The following ZNF544 variants were observed in gnomAD, a reference collection of about 807,000 sequenced individuals.
The protein encoded by ZNF544 is zinc finger protein 544.
In ZNF544, 10 loss-of-function variants were observed where a neutral mutation model predicts 13.5. The observed-to-expected ratio is 0.74, with a 90% CI of 0.46 to 1.25. The LOEUF is 1.25. ZNF544 is among the 50% of genes most tolerant of loss of function. The pLI, the probability that ZNF544 is intolerant of heterozygous loss-of-function variation, is 0.00. For synonymous variants in ZNF544, 323 were observed against 300.5 expected, an observed-to-expected ratio of 1.07 and a Z score of -0.77; for missense variants, 896 against 845.6, an observed-to-expected ratio of 1.06 and a Z score of -0.74.
At chr19:58,254,888 CAG>C (rs1475980741) in intron 6 of ZNF544, among the ~76,000 whole-genome samples, 2 of 139,540 alleles carry the variant, frequency 1.4e-5, no homozygotes, top group Admixed American at 7.3e-5. Context: ...TTTCTTGAGA[CAG>C]AGTTTTTCTT....
chr19:58,237,617 CCTT>C (rs1327341618), intron 3 of ZNF544, among the ~76,000 whole-genome samples: 8 of 152,238 alleles, frequency 5.3e-5, no homozygotes, highest in Admixed American at 1.3e-4. Context: ...CTCACACCCA[CCTT>C]CTTTTTGCTT....
downstream of ZNF544, among the ~76,000 whole-genome samples, chr19:58,265,282 ATATT>A (rs139270092): frequency 0.021 from 3,120 of 147,444 alleles, 88 homozygotes; most frequent in African/African-American, 0.056. Context: ...CCATGTCTGC[ATATT>A]TATTTATTTA....
chr19:58,255,274 C>G (rs956927533), intron 6 of ZNF544, among the ~76,000 whole-genome samples: 1 of 152,004 alleles, frequency 6.6e-6, no homozygotes, highest in Non-Finnish European at 1.5e-5. Context: ...CTCCCGAGTT[C>G]AAGCAGTTCT....
At chr19:58,237,062 CTTTT>C (rs869237830) in intron 3 of ZNF544, among the ~76,000 whole-genome samples, 1 of 133,342 alleles carries the variant, frequency 7.5e-6, no homozygotes. Flanking sequence ...AACTTTTTAC[CTTTT>C]TTTTTTTTTT....
rs1255325802 is a variant in ZNF544 at position 58,261,591 on chromosome 19, G to A, written c.985G>A (p.Glu329Lys). 6.2e-7 allele frequency: 1 copy of A among 1,614,218 alleles called. No individual in the cohort carries two copies. Among genetic ancestry groups the A allele is most frequent in the African/African-American group, 1.3e-5 (1 of 75,054 alleles). ...CCCTGGAGAGACCCCCTTCAGATGT[G>A]AGGAACGCTGTGCTGCCTTCCCCAT... ...SGPGETPFRC[E>K]ERCAAFPMAS... The change falls in exon 7 of 7, where the codon GAG (glutamate) becomes AAG (lysine). Residue 329 changes from glutamate (E) to lysine (K), a missense_variant. Glu to Lys is a moderately conservative substitution (Grantham distance 56). Transcript: ENST00000687789.
At chr19:58,260,596 T>A (rs2048702367) in intron 6 of ZNF544, 1 of 367,176 alleles carries the variant, frequency 2.7e-6, no homozygotes, top group African/African-American at 2.1e-5. Flanking sequence ...TGCTTATTCT[T>A]ATTCTTCTGC....
intron 6 of ZNF544, 53 bp from the exon 7 acceptor site, chr19:58,260,798 C>A (rs749151764): frequency 5.3e-5 from 79 of 1,480,894 alleles, no homozygotes; most frequent in Non-Finnish European, 6.8e-5. Context: ...CTCCCCCTCC[C>A]CCTCCCCCTC....
At chr19:58,237,254 G>A (rs1438402415) in intron 3 of ZNF544, among the ~76,000 whole-genome samples, 1 of 151,964 alleles carries the variant, frequency 6.6e-6, no homozygotes, top group Non-Finnish European at 1.5e-5. Flanking sequence ...TGTAGAGACG[G>A]GGTTTTGCCA....
In ZNF544 at chr19:58,275,579, C is replaced by G. The variant is rs111612202; in HGVS notation, c.245-744C>G. On this transcript the variant is annotated intron_variant, in intron 5 of 6. Coordinates refer to the ZNF544 transcript ENST00000595981. ...ATTCCAGCACTTTGGGAGGCCAAGG[C>G]GGATGGACTGCTTGAAATCAGGAGC... 3.1e-3 allele frequency among the ~76,000 whole-genome samples: 474 copies of G among 151,736 alleles called. 1 individual carries two copies. Among genetic ancestry groups the G allele is most frequent in the African/African-American group, 0.01 (427 of 41,414 alleles).
At chr19:58,248,524 C>T (rs2045771447) in intron 6 of ZNF544, among the ~76,000 whole-genome samples, 3 of 152,238 alleles carry the variant, frequency 2.0e-5, no homozygotes, top group South Asian at 4.1e-4. Context: ...TGAGCCACTG[C>T]ACCTGGCCAG....
At position 58,262,374 on chromosome 19, in the gene ZNF544, CAGTT is replaced by C. The variant is rs770159376; in HGVS notation, c.1773_1776del (p.Val592HisfsTer56). ...TGGAAAGTCCTTCAGCCAAAGCTATCAGTTAGTTGCACATAAAAGAACTCACACT... is the reference window on the plus strand; with the variant it reads ...TGGAAAGTCCTTCAGCCAAAGCTATCAGTTGCACATAAAAGAACTCACACT... On this transcript the variant is annotated frameshift_variant, in exon 7 of 7. Coordinates refer to ENST00000687789, the MANE Select transcript of ZNF544 (RefSeq NM_014480.4). LOFTEE classifies it low-confidence loss of function (END_TRUNC). 8.7e-6 allele frequency: 14 copies of C among 1,613,460 alleles called. No individual in the cohort carries two copies. In the South Asian group the frequency reaches 9.9e-5, roughly 11 times the overall value.
downstream of ZNF544, among the ~76,000 whole-genome samples, chr19:58,265,275 T>C (rs1410399240): frequency 1.4e-5 from 2 of 145,400 alleles, no homozygotes; most frequent in Non-Finnish European, 3.0e-5. Context: ...GAAGAGGCCA[T>C]GTCTGCATAT....
intron 5 of ZNF544, among the ~76,000 whole-genome samples, chr19:58,269,290 C>T (rs889699737): frequency 6.6e-6 from 1 of 152,032 alleles, no homozygotes. Context: ...CAAAAATTAG[C>T]CAGGCATGGT....
intron 3 of ZNF544, among the ~76,000 whole-genome samples, chr19:58,230,918 C>A (rs974599904): frequency 6.6e-6 from 1 of 152,096 alleles, no homozygotes; most frequent in Non-Finnish European, 1.5e-5. Context: ...CCAGAGTCAT[C>A]CCTTGGAGTG....
At chr19:58,260,369 C>T (rs2048629580) in intron 6 of ZNF544, 1 of 152,502 alleles carries the variant, frequency 6.6e-6, no homozygotes. Context: ...CTCCACCTCC[C>T]AGGCTCAAGC....
At chr19:58,249,600 A>T (rs945270320) in intron 6 of ZNF544, among the ~76,000 whole-genome samples, 1 of 152,210 alleles carries the variant, frequency 6.6e-6, no homozygotes, top group Non-Finnish European at 1.5e-5. Flanking sequence ...CATGACTCAG[A>T]TAGCTGTTGT....
At chr19:58,275,257 C>T (rs425605) in intron 5 of ZNF544, among the ~76,000 whole-genome samples, 84,635 of 152,014 alleles carry the variant, frequency 0.56, 24,330 homozygotes, top group Middle Eastern at 0.68. Context: ...TTTCTGCTTA[C>T]TCTGACTTAT....
chr19:58,263,003 GACCATT>G lies in ZNF544; in HGVS notation c.*250_*255del. The G allele has an allele frequency of 8.0e-7, 1 of 1,256,558 alleles. No homozygotes were observed. The highest frequency in any genetic ancestry group is 1.0e-6 in the Non-Finnish European group (1 of 996,822). 77.8% of individuals were successfully genotyped at this position (1,256,558 alleles called of 1,614,324 possible). ...CACTGGAGGCAAACCCTATGAATGT[GACCATT>G]GCGAGAAAGCCTTTAGCCAACGGTG... On this transcript the variant is annotated 3_prime_UTR_variant, in exon 7 of 7. Transcript: ENST00000687789.
Position 58,275,668 on chromosome 19 carries a change from G to T in ZNF544, c.245-655G>T, listed in dbSNP as rs2051155104. On this transcript the variant is annotated intron_variant, in intron 5 of 6. Coordinates refer to the ZNF544 transcript ENST00000595981. ...TACAAAAAATACAAAAATTAGCCAG[G>T]CATGGTAGCATGAGGCTGAGGTGGG... Among the ~76,000 whole-genome samples the T allele has an allele frequency of 2.6e-5, 4 of 151,152 alleles. No homozygotes were observed. The South Asian group carries it at 8.4e-4, about 32-fold the overall frequency.
Sources: gnomAD v4.1 joint callset for allele counts (sites outside exome capture counted in the v4.1 genomes callset) on GRCh38, gnomAD v4.1.1 for gene constraint, MANE v1.5 for transcripts, NCBI Gene and HGNC (gene_info 2026-07-23, HGNC 2026-07-21) for gene names.